PPP2R5E: variants seen among roughly 807,000 people sequenced by gnomAD.
PPP2R5E encodes the protein protein phosphatase 2 regulatory subunit B'epsilon, also known as serine/threonine-protein phosphatase 2A 56 kDa regulatory subunit epsilon isoform.
In PPP2R5E, 4 loss-of-function variants were observed where a neutral mutation model predicts 65.3. The observed-to-expected ratio is 0.06, with a 90% CI of 0.03 to 0.14. PPP2R5E has a LOEUF of 0.14. Ranked by LOEUF, PPP2R5E falls within the 10% of genes least tolerant of loss-of-function variation. The pLI is 1.00. For missense variants in PPP2R5E, 274 were observed against 556.1 expected, an observed-to-expected ratio of 0.49 and a Z score of 5.10; for synonymous variants, 183 against 187.4, an observed-to-expected ratio of 0.98 and a Z score of 0.19.
At position 63,454,554 on chromosome 14, in the gene PPP2R5E, A is replaced by G. The variant is rs560956021; in HGVS notation, c.158-669T>C. Among the ~76,000 whole-genome samples, 8 of 152,346 alleles carry G rather than the reference A, an allele frequency of 5.3e-5. No individual in the cohort carries two copies. In the South Asian group the frequency reaches 1.5e-3, roughly 28 times the overall value. Reference sequence around the variant, plus strand: ...TGTACTGTGAGAGAAAACCACTAACATCTTATATTAATATGTTCCCAGAAT... The same window carrying G: ...TGTACTGTGAGAGAAAACCACTAACGTCTTATATTAATATGTTCCCAGAAT... On this transcript the variant is annotated intron_variant, in intron 2 of 13. Coordinates refer to ENST00000337537, the MANE Select transcript of PPP2R5E (RefSeq NM_006246.5).
At chr14:63,418,334 G>A (rs781318761) in intron 4 of PPP2R5E, among the ~76,000 whole-genome samples, 28 of 152,206 alleles carry the variant, frequency 1.8e-4, no homozygotes, top group Non-Finnish European at 3.7e-4. Context: ...TTTCCAGCAA[G>A]ACTGGCAAAG....
In PPP2R5E at chr14:63,513,751, T is replaced by C. The variant is rs573369684; in HGVS notation, c.157+25778A>G. ...GTGTCCATCTGAGTGGAAGGGAAAC[T>C]ACACAGAAGACCAGAGGAGAAACTT... On this transcript the variant is annotated intron_variant, in intron 2 of 13. Transcript: ENST00000337537. Among the ~76,000 whole-genome samples, 74 of 152,300 alleles carry C rather than the reference T, an allele frequency of 4.9e-4. No homozygotes were observed. The Middle Eastern group carries it at 0.01, about 21-fold the overall frequency.
intron 2 of PPP2R5E, among the ~76,000 whole-genome samples, chr14:63,523,717 TA>T (rs200827747): frequency 0.038 from 4,493 of 118,280 alleles, 93 homozygotes; most frequent in South Asian, 0.052. Context: ...ATAAATAAAT[TA>T]AAAAAAAAAA....
At chr14:63,419,388 T>G (rs2097293386) in intron 4 of PPP2R5E, among the ~76,000 whole-genome samples, 1 of 152,222 alleles carries the variant, frequency 6.6e-6, no homozygotes, top group Non-Finnish European at 1.5e-5. Flanking sequence ...ATGCTGTGTT[T>G]TGGTCAGAAA....
chr14:63,515,679 C>A (rs1244351711), intron 2 of PPP2R5E, among the ~76,000 whole-genome samples: 1 of 151,660 alleles, frequency 6.6e-6, no homozygotes, highest in Non-Finnish European at 1.5e-5. Context: ...TGCCACCATG[C>A]CTGGCTAATT....
At chr14:63,419,863 T>C (rs1886906855) in intron 4 of PPP2R5E, among the ~76,000 whole-genome samples, 1 of 152,172 alleles carries the variant, frequency 6.6e-6, no homozygotes, top group Admixed American at 6.6e-5. Flanking sequence ...AGGGCACAGG[T>C]CTCATTACCA....
At chr14:63,460,149 C>G (rs1889372417) in intron 2 of PPP2R5E, among the ~76,000 whole-genome samples, 2 of 152,154 alleles carry the variant, frequency 1.3e-5, no homozygotes. Context: ...CAATAACAAT[C>G]ATGAACACTT....
chr14:63,451,496 A>G (rs1888819790), intron 3 of PPP2R5E: 1 of 152,230 alleles, frequency 6.6e-6, no homozygotes, highest in Non-Finnish European at 1.5e-5. Flanking sequence ...ACTATATGAC[A>G]GTCTGGAAAA....
chr14:63,480,218 G>C (rs547967624), intron 2 of PPP2R5E, among the ~76,000 whole-genome samples: 2 of 152,250 alleles, frequency 1.3e-5, no homozygotes, highest in Non-Finnish European at 2.9e-5. Context: ...AGCACTTTGG[G>C]AGGCCAAGGA....
chr14:63,397,054 G>A (rs1315400929), intron 5 of PPP2R5E, among the ~76,000 whole-genome samples: 1 of 152,184 alleles, frequency 6.6e-6, no homozygotes, highest in East Asian at 1.9e-4. Context: ...CCCTTTTACA[G>A]AAGAGGAAAC....
intron 2 of PPP2R5E, among the ~76,000 whole-genome samples, chr14:63,499,426 GTTA>G (rs1439471343): frequency 1.3e-5 from 2 of 152,158 alleles, no homozygotes; most frequent in East Asian, 3.9e-4. Context: ...GTAGTATCTT[GTTA>G]TTATGAGAAA....
chr14:63,422,655 G>A (rs1887094273), intron 3 of PPP2R5E, among the ~76,000 whole-genome samples: 1 of 150,692 alleles, frequency 6.6e-6, no homozygotes, highest in Non-Finnish European at 1.5e-5. Context: ...GAACCCCGGA[G>A]GACGGAGCCT....
intron 11 of PPP2R5E, among the ~76,000 whole-genome samples, chr14:63,385,862 T>C (rs1431426449): frequency 6.6e-6 from 1 of 152,164 alleles, no homozygotes; most frequent in East Asian, 1.9e-4. Flanking sequence ...CAGTTTCTGG[T>C]CTCAGGGACA....
chr14:63,487,069 A>G (rs1427549805), intron 2 of PPP2R5E, among the ~76,000 whole-genome samples: 1 of 152,206 alleles, frequency 6.6e-6, no homozygotes, highest in East Asian at 1.9e-4. Context: ...TTCTGTAACA[A>G]ATAATGTATT....
At chr14:63,445,242 G>A (rs1003449467) in intron 3 of PPP2R5E, among the ~76,000 whole-genome samples, 3 of 152,044 alleles carry the variant, frequency 2.0e-5, no homozygotes, top group African/African-American at 4.8e-5. Flanking sequence ...TCAGTTCCAG[G>A]CCATCACAAT....
intron 3 of PPP2R5E, among the ~76,000 whole-genome samples, chr14:63,443,708 G>A (rs562278652): frequency 6.6e-6 from 1 of 151,748 alleles, no homozygotes; most frequent in Non-Finnish European, 1.5e-5. Flanking sequence ...TTAACTCATC[G>A]AAAACCAACT....
At chr14:63,454,024 A>G (rs1888992131) in intron 2 of PPP2R5E, 139 bp from the exon 3 acceptor site, 1 of 615,872 alleles carries the variant, frequency 1.6e-6, no homozygotes, top group Non-Finnish European at 2.6e-6. Flanking sequence ...ACAGTTACAC[A>G]TGGGTGGGAG....
chr14:63,499,611 C>T (rs899114365), intron 2 of PPP2R5E, among the ~76,000 whole-genome samples: 6 of 152,002 alleles, frequency 3.9e-5, no homozygotes, highest in South Asian at 2.1e-4. Context: ...CCTGTAATCA[C>T]GGCTACTCGG....
At position 63,372,607 on chromosome 14, in the gene PPP2R5E, A is replaced by C. The variant is rs1457230196; in HGVS notation, c.*3402T>G. The C allele has an allele frequency of 6.6e-6, 1 of 152,152 alleles. No individual in the cohort carries two copies. The highest frequency in any genetic ancestry group is 1.5e-5 in the Non-Finnish European group (1 of 68,022). 9.4% of individuals were successfully genotyped at this position (152,152 alleles called of 1,614,324 possible). On this transcript the variant is annotated 3_prime_UTR_variant, in exon 14 of 14. Coordinates refer to ENST00000337537, the MANE Select transcript of PPP2R5E (RefSeq NM_006246.5). Reference sequence around the variant, plus strand: ...ACCACCCCAAACCCCAAAAAACTCTAAACACTTAAAAATGCCAATAACATC... The same window carrying C: ...ACCACCCCAAACCCCAAAAAACTCTCAACACTTAAAAATGCCAATAACATC...
Sources: allele counts gnomAD v4.1 joint callset (sites outside exome capture counted in the v4.1 genomes callset), GRCh38; gene constraint gnomAD v4.1.1; transcripts MANE v1.5; gene names NCBI Gene and HGNC (gene_info 2026-07-23, HGNC 2026-07-21).